ROBO2: variants seen among roughly 807,000 people sequenced by gnomAD.
ROBO2 encodes the protein roundabout homolog 2.
A neutral mutation model predicts 160.8 loss-of-function variants in ROBO2; 53 were observed. The observed-to-expected ratio is 0.33, with a 90% CI of 0.26 to 0.41. The LOEUF (loss-of-function observed/expected upper bound fraction) is 0.41, where lower values mean the gene tolerates loss of function less well. ROBO2 is among the 10% of genes least tolerant of loss of function. ROBO2 has a pLI of 1.00. For synonymous variants in ROBO2, 664 were observed against 611.7 expected, an observed-to-expected ratio of 1.09 and a Z score of -1.26; for missense variants, 1,577 against 1,722.4, an observed-to-expected ratio of 0.92 and a Z score of 1.49.
At chr3:77,281,349 A>G (rs1406494078) in intron 2 of ROBO2, among the ~76,000 whole-genome samples, 3 of 152,194 alleles carry the variant, frequency 2.0e-5, no homozygotes, top group African/African-American at 7.2e-5. Flanking sequence ...TTAAAAAACT[A>G]TATTTTTACA....
intron 2 of ROBO2, among the ~76,000 whole-genome samples, chr3:77,005,706 T>G (rs1470206757): frequency 6.6e-6 from 1 of 152,154 alleles, no homozygotes; most frequent in African/African-American, 2.4e-5. Context: ...GATTCCACCA[T>G]GGTAGTGGAT....
intron 2 of ROBO2, among the ~76,000 whole-genome samples, chr3:77,282,100 A>G (rs1412798471): frequency 6.6e-6 from 1 of 152,176 alleles, no homozygotes; most frequent in Admixed American, 6.5e-5. Flanking sequence ...TTAGGGAATC[A>G]TGACAAGGAA....
chr3:76,336,536 T>C (rs1576510626), intron 2 of ROBO2, among the ~76,000 whole-genome samples: 1 of 152,210 alleles, frequency 6.6e-6, no homozygotes, highest in Admixed American at 6.5e-5. Flanking sequence ...AAATTTCCTT[T>C]TGAAGAATAC....
intron 5 of ROBO2, among the ~76,000 whole-genome samples, chr3:77,501,499 T>A (rs2087601294): frequency 6.6e-6 from 1 of 152,194 alleles, no homozygotes; most frequent in Non-Finnish European, 1.5e-5. Flanking sequence ...TAATAGAATT[T>A]AAGAGATCAA....
intron 2 of ROBO2, among the ~76,000 whole-genome samples, chr3:76,739,064 C>A (rs1265629189): frequency 6.6e-6 from 1 of 152,122 alleles, no homozygotes; most frequent in East Asian, 1.9e-4. Flanking sequence ...AGATTCAGGT[C>A]AGTGTGGCGA....
intron 2 of ROBO2, among the ~76,000 whole-genome samples, chr3:77,014,212 A>T (rs932254445): frequency 1.3e-5 from 2 of 151,878 alleles, no homozygotes; most frequent in African/African-American, 4.8e-5. Context: ...AAATGCACTG[A>T]ATTTTTTTTA....
chr3:76,951,240 A>G (rs2078936458), intron 2 of ROBO2, among the ~76,000 whole-genome samples: 1 of 152,158 alleles, frequency 6.6e-6, no homozygotes, highest in African/African-American at 2.4e-5. Context: ...TTATTTAAGA[A>G]CTAATGTTTG....
At chr3:76,096,512 A>G (rs73842984) in intron 2 of ROBO2, among the ~76,000 whole-genome samples, 7,717 of 152,224 alleles carry the variant, frequency 0.051, 404 homozygotes, top group African/African-American at 0.13. Flanking sequence ...CAACAGTAGA[A>G]TCCAATGCAT....
intron 2 of ROBO2, among the ~76,000 whole-genome samples, chr3:77,001,815 T>C (rs1184766215): frequency 6.6e-6 from 1 of 152,116 alleles, no homozygotes; most frequent in Non-Finnish European, 1.5e-5. Flanking sequence ...CCAAAAAACT[T>C]TCTGCTTAAT....
intron 2 of ROBO2, among the ~76,000 whole-genome samples, chr3:77,241,578 A>G (rs529844971): frequency 6.6e-6 from 1 of 152,328 alleles, no homozygotes; most frequent in African/African-American, 2.4e-5. Flanking sequence ...TGGTACTGAT[A>G]AATAAAAAAC....
In ROBO2 at chr3:76,264,821, T is replaced by C. The variant is rs548565038; in HGVS notation, c.109+327219T>C. On this transcript the variant is annotated intron_variant, in intron 2 of 26. Coordinates refer to the ROBO2 transcript ENST00000487694. ...GGGCCTCAGGAATGATTAAAGTGGC[T>C]TTTACTTTACATGAGAACTCTGATC... is the stretch of plus-strand genomic sequence containing the variant. 3.7e-4 allele frequency among the ~76,000 whole-genome samples: 57 copies of C among 152,224 alleles called. 1 individual carries two copies. Among genetic ancestry groups the C allele is most frequent in the African/African-American group, 1.3e-3 (56 of 41,542 alleles).
Position 76,386,549 on chromosome 3 carries a change from G to T in ROBO2, c.109+448947G>T, listed in dbSNP as rs181355176. The stretch of plus-strand genomic sequence containing the variant: ...TAGGGGTTTTTAAAAGCCCTTAAAG[G>T]TTGCAAGCCATTGTGTTCCCTTCTT... On this transcript the variant is annotated intron_variant, in intron 2 of 26. Coordinates refer to the ROBO2 transcript ENST00000487694. Among the ~76,000 whole-genome samples, 483 of 152,092 alleles carry T rather than the reference G, an allele frequency of 3.2e-3. 2 individuals carry two copies. Among genetic ancestry groups the T allele is most frequent in the African/African-American group, 0.011 (470 of 41,464 alleles).
intron 8 of ROBO2, among the ~76,000 whole-genome samples, chr3:77,554,219 C>G (rs2093028492): frequency 6.6e-6 from 1 of 151,742 alleles, no homozygotes; most frequent in African/African-American, 2.4e-5. Context: ...CATGGTTTAC[C>G]TACCGAAATA....
exon 25 of ROBO2, chr3:77,644,832 C>A: frequency 6.2e-7 from 1 of 1,614,066 alleles, no homozygotes; most frequent in Non-Finnish European, 8.5e-7. Flanking sequence ...AGGCCACCAG[C>A]GCAATGCCAG....
At chr3:77,340,756 C>G (rs2066973816) in intron 2 of ROBO2, among the ~76,000 whole-genome samples, 2 of 152,032 alleles carry the variant, frequency 1.3e-5, no homozygotes, top group Non-Finnish European at 2.9e-5. Context: ...TCACACTAGA[C>G]TAGTTACTAA....
At chr3:76,431,186 C>A (rs1008515728) in intron 2 of ROBO2, among the ~76,000 whole-genome samples, 1 of 151,984 alleles carries the variant, frequency 6.6e-6, no homozygotes, top group African/African-American at 2.4e-5. Context: ...GTAAATATAA[C>A]CGCATCTTTG....
At chr3:76,847,628 C>A (rs1334201093) in intron 2 of ROBO2, among the ~76,000 whole-genome samples, 1 of 152,124 alleles carries the variant, frequency 6.6e-6, no homozygotes, top group African/African-American at 2.4e-5. Context: ...GCTATAGACA[C>A]CCTATCGCCT....
chr3:76,798,292 G>GAAAGAAAGAAAGAAA (rs1553909464), intron 2 of ROBO2, among the ~76,000 whole-genome samples: 26 of 148,792 alleles, frequency 1.7e-4, no homozygotes, highest in African/African-American at 6.2e-4. Context: ...AAGAAAGAAA[G>GAAAGAAAGAAAGAAA]AAAGAAAGAA....
intron 1 of ROBO2, among the ~76,000 whole-genome samples, chr3:77,077,693 A>G (rs1347825112): frequency 6.6e-6 from 1 of 152,218 alleles, no homozygotes; most frequent in Non-Finnish European, 1.5e-5. Flanking sequence ...TTTTCAGAGT[A>G]GCATGCAGTC....
Sources: allele counts gnomAD v4.1 joint callset (sites outside exome capture counted in the v4.1 genomes callset), GRCh38; gene constraint gnomAD v4.1.1; transcripts MANE v1.5; gene names NCBI Gene and HGNC (gene_info 2026-07-23, HGNC 2026-07-21).